Variants in PAK3 observed in about 807,000 individuals in gnomAD.
PAK3 encodes the protein serine/threonine-protein kinase PAK 3.
Under a neutral mutation model 41.0 loss-of-function variants are expected in PAK3, and 4 were observed. The observed-to-expected ratio is 0.10, with a 90% confidence interval of 0.05 to 0.22. PAK3 has a LOEUF of 0.22. Ranked by LOEUF, PAK3 falls within the 10% of genes least tolerant of loss-of-function variation. The pLI, the probability that PAK3 is intolerant of heterozygous loss-of-function variation, is 1.00. For missense variants in PAK3, 205 were observed against 409.9 expected (o/e 0.50, Z 4.32); for synonymous variants, 146 against 139.6 (o/e 1.05, Z -0.32).
Position 111,189,718 on chromosome X carries a change from T to A in PAK3, c.831-2409T>A, listed in dbSNP as rs139354466. Among the ~76,000 whole-genome samples the A allele has an allele frequency of 6.2e-3, 697 of 112,005 alleles. 9 individuals carry two copies. Among genetic ancestry groups the A allele is most frequent in the African/African-American group, 0.021 (647 of 30,827 alleles). On this transcript the variant is annotated intron_variant, in intron 11 of 17. Coordinates refer to ENST00000372007, the MANE Select transcript of PAK3 (RefSeq NM_002578.5). ...TTCATATGTTTGCTAGCTGTCTGTA[T>A]GTCAAAAGGCATTTTTAAATCATAT...
chrX:110,974,288 C>A (rs191413189), intron 1 of PAK3, among the ~76,000 whole-genome samples: 1 of 111,776 alleles, frequency 8.9e-6, no homozygotes, highest in Non-Finnish European at 1.9e-5. Context: ...GATATCACCA[C>A]CGATTCCACA....
chrX:111,086,090 T>TGTGC (rs2092880033), intron 1 of PAK3, among the ~76,000 whole-genome samples: 1 of 95,702 alleles, frequency 1.0e-5, no homozygotes, highest in African/African-American at 4.2e-5. Flanking sequence ...TGTGTGTGTG[T>TGTGC]GCATGTGCAC....
At chrX:111,148,632 A>G (rs2093984799) in intron 7 of PAK3, among the ~76,000 whole-genome samples, 1 of 111,527 alleles carries the variant, frequency 9.0e-6, no homozygotes, top group Admixed American at 9.5e-5. Context: ...CAGCAAGATA[A>G]TATGTGAAGG....
intron 1 of PAK3, among the ~76,000 whole-genome samples, chrX:110,995,995 G>T (rs949366491): frequency 3.6e-5 from 4 of 111,761 alleles, no homozygotes; most frequent in African/African-American, 1.3e-4. Context: ...TCTCAAGTAG[G>T]TTCTTGTCCC....
intron 11 of PAK3, among the ~76,000 whole-genome samples, chrX:111,177,688 G>A (rs185666470): frequency 8.9e-6 from 1 of 111,831 alleles, no homozygotes; most frequent in African/African-American, 3.2e-5. Context: ...AATAAATGAG[G>A]TAGAGTGAGA....
At chrX:111,140,127 T>G (rs1349928092) in intron 5 of PAK3, among the ~76,000 whole-genome samples, 1 of 111,697 alleles carries the variant, frequency 9.0e-6, no homozygotes, top group Non-Finnish European at 1.9e-5. Context: ...CCTCTCAAAT[T>G]ACATGAAGTA....
chrX:111,163,082 A>G, intron 9 of PAK3, 36 bp downstream of exon 9: 1 of 1,166,295 alleles, frequency 8.6e-7, no homozygotes, highest in South Asian at 1.8e-5. Flanking sequence ...ATGATTCAAA[A>G]GATGCCCTTT....
intron 1 of PAK3, among the ~76,000 whole-genome samples, chrX:111,008,779 G>C (rs2091969646): frequency 8.9e-6 from 1 of 112,164 alleles, no homozygotes; most frequent in African/African-American, 3.2e-5. Context: ...AATAAGGGTT[G>C]AGTGTTTTAA....
At chrX:111,214,684 T>C (rs1181338755) in intron 16 of PAK3, among the ~76,000 whole-genome samples, 1 of 111,179 alleles carries the variant, frequency 9.0e-6, no homozygotes, top group African/African-American at 3.3e-5. Context: ...TGACAGCCAC[T>C]AGATTAAACG....
chrX:111,007,043 G>A (rs1327243231), intron 1 of PAK3, among the ~76,000 whole-genome samples: 1 of 108,727 alleles, frequency 9.2e-6, no homozygotes, highest in African/African-American at 3.3e-5. Context: ...AGACTCCCTG[G>A]TGATGCCAAT....
rs2094934958 is a variant in PAK3 at position 111,222,840 on chromosome X, GC to G, written c.*2394del. 1 of 110,821 alleles carries G rather than the reference GC, an allele frequency of 9.0e-6. No individual in the cohort carries two copies. The highest frequency in any genetic ancestry group is 3.3e-5 in the African/African-American group (1 of 30,508). 9.1% of individuals were successfully genotyped at this position (110,821 alleles called of 1,213,427 possible). On this transcript the variant is annotated 3_prime_UTR_variant, in exon 18 of 18. Transcript: ENST00000372007. ...GGCAGAGAAATGGCTTCTCTCTTAT[GC>G]TTTCAGTTCAGCATATTAACAATGA...
At chrX:111,132,730 CAG>C (rs1396526726) in intron 5 of PAK3, among the ~76,000 whole-genome samples, 1 of 111,605 alleles carries the variant, frequency 9.0e-6, no homozygotes, top group African/African-American at 3.3e-5. Context: ...TTAGATATAA[CAG>C]AATCTGGAGC....
At chrX:111,090,766 C>CA (rs1433416859) in intron 1 of PAK3, among the ~76,000 whole-genome samples, 1 of 111,346 alleles carries the variant, frequency 9.0e-6, no homozygotes, top group Non-Finnish European at 1.9e-5. Flanking sequence ...CCAGCCGGTC[C>CA]AAAAAAAATA....
intron 11 of PAK3, among the ~76,000 whole-genome samples, chrX:111,190,541 G>A (rs1371925600): frequency 9.0e-6 from 1 of 111,722 alleles, no homozygotes; most frequent in Non-Finnish European, 1.9e-5. Flanking sequence ...TCAGTGAAAG[G>A]AAGTAACTAG....
chrX:110,983,480 C>CAGAGAGAGAGAGAGAGAGAG lies in PAK3; in HGVS notation c.-28+38864_-28+38865insAGAGAGAGAGAGAGAGAGAG, dbSNP rs768492408. On this transcript the variant is annotated intron_variant, in intron 1 of 14. Transcript: ENST00000425146. Reference sequence around the variant, plus strand: ...ACATTTGGAAATGGTAAGAGAAAGACAGAGAGAGAGAGGATGTGTGTGTTT... The same window carrying CAGAGAGAGAGAGAGAGAGAG: ...ACATTTGGAAATGGTAAGAGAAAGACAGAGAGAGAGAGAGAGAGAGAGAGAGAGAGAGGATGTGTGTGTTT... 3.6e-3 allele frequency among the ~76,000 whole-genome samples: 355 copies of CAGAGAGAGAGAGAGAGAGAG among 99,630 alleles called. 2 individuals carry two copies. Among genetic ancestry groups the CAGAGAGAGAGAGAGAGAGAG allele is most frequent in the South Asian group, 9.1e-3 (18 of 1,971 alleles). The allele number at this position is 99,630 out of a possible 115,157, so 86.5% of individuals were successfully genotyped here.
intron 1 of PAK3, among the ~76,000 whole-genome samples, chrX:111,004,959 G>T (rs919492912): frequency 6.2e-5 from 7 of 112,282 alleles, no homozygotes; most frequent in Non-Finnish European, 1.1e-4. Flanking sequence ...CAAATATTTT[G>T]TTATTGACTA....
intron 5 of PAK3, among the ~76,000 whole-genome samples, chrX:111,133,276 T>G (rs1395083161): frequency 9.0e-6 from 1 of 111,504 alleles, no homozygotes; most frequent in Non-Finnish European, 1.9e-5. Flanking sequence ...ACCTTTTACC[T>G]CTACTGTTCT....
intron 1 of PAK3, among the ~76,000 whole-genome samples, chrX:111,072,100 G>T (rs1403665726): frequency 8.9e-6 from 1 of 111,919 alleles, no homozygotes; most frequent in African/African-American, 3.2e-5. Context: ...ATTTCAAGGG[G>T]TTAAGATTAA....
chrX:111,075,893 T>C (rs2092780727), intron 1 of PAK3, among the ~76,000 whole-genome samples: 1 of 112,830 alleles, frequency 8.9e-6, no homozygotes, highest in African/African-American at 3.2e-5. Context: ...GTGCCCTGGC[T>C]GGTGGACATG....
Sources: allele counts gnomAD v4.1 joint callset (sites outside exome capture counted in the v4.1 genomes callset), GRCh38; gene constraint gnomAD v4.1.1; transcripts MANE v1.5; gene names NCBI Gene and HGNC (gene_info 2026-07-23, HGNC 2026-07-21).